MYT1L: variants seen among roughly 807,000 people sequenced by gnomAD.
The protein encoded by MYT1L is myelin transcription factor 1 like, also known as myelin transcription factor 1-like protein.
Under a neutral mutation model 126.7 loss-of-function variants are expected in MYT1L, and 12 were observed. That is an observed-to-expected ratio of 0.09 (90% CI 0.06 to 0.15). The LOEUF (loss-of-function observed/expected upper bound fraction) is 0.15, where lower values mean the gene tolerates loss of function less well. Ranked by LOEUF, MYT1L falls within the 10% of genes least tolerant of loss-of-function variation. The pLI is 1.00. For synonymous variants in MYT1L, 541 were observed against 604.2 expected (o/e 0.90, Z 1.53); for missense variants, 979 against 1,585.2 (o/e 0.62, Z 6.49).
chr2:1,950,433 A>G (rs781267422), intron 8 of MYT1L, among the ~76,000 whole-genome samples: 1 of 152,054 alleles, frequency 6.6e-6, no homozygotes, highest in Non-Finnish European at 1.5e-5. Flanking sequence ...TCCCAACCTC[A>G]TGGGACACCG....
chr2:2,077,320 A>G lies in MYT1L; in HGVS notation c.-303-23197T>C, dbSNP rs76655294. On this transcript the variant is annotated intron_variant, in intron 3 of 24. Transcript: ENST00000647738. The stretch of plus-strand genomic sequence containing the variant: ...TGAAAGCTTTCCAAATTGATGAAAC[A>G]TATTAACCTACACAATTAAAGAGTT... 2.2e-3 allele frequency among the ~76,000 whole-genome samples: 336 copies of G among 152,326 alleles called. 3 individuals carry two copies. Among genetic ancestry groups the G allele is most frequent in the East Asian group, 5.0e-3 (26 of 5,180 alleles).
chr2:2,187,481 C>A (rs2092295896), intron 2 of MYT1L, among the ~76,000 whole-genome samples: 1 of 151,960 alleles, frequency 6.6e-6, no homozygotes, highest in Admixed American at 6.6e-5. Flanking sequence ...TATTACCCAG[C>A]TTAGTTCCAA....
chr2:2,001,460 T>A (rs939205054), intron 4 of MYT1L, among the ~76,000 whole-genome samples: 1 of 152,242 alleles, frequency 6.6e-6, no homozygotes, highest in Non-Finnish European at 1.5e-5. Flanking sequence ...GTGTGGTTAA[T>A]ATCTCACACA....
chr2:2,005,156 T>C (rs1180620506), intron 4 of MYT1L, among the ~76,000 whole-genome samples: 1 of 151,220 alleles, frequency 6.6e-6, no homozygotes, highest in African/African-American at 2.4e-5. Flanking sequence ...GCAGGCATTA[T>C]TTCCTGCATA....
intron 4 of MYT1L, among the ~76,000 whole-genome samples, chr2:2,003,659 G>A (rs761980065): frequency 1.4e-4 from 22 of 152,244 alleles, no homozygotes; most frequent in South Asian, 8.3e-4. Context: ...AGTCTTCAGT[G>A]CCACCCCATC....
At chr2:2,255,495 C>T (rs149024365) in intron 2 of MYT1L, among the ~76,000 whole-genome samples, 1,629 of 152,152 alleles carry the variant, frequency 0.011, 29 homozygotes, top group African/African-American at 0.037. Flanking sequence ...AGGAGCCACA[C>T]GGTGAAATCA....
At chr2:2,067,357 GA>G (rs1371200910) in intron 3 of MYT1L, among the ~76,000 whole-genome samples, 3 of 152,072 alleles carry the variant, frequency 2.0e-5, no homozygotes, top group Non-Finnish European at 2.9e-5. Flanking sequence ...CAAGTAGAAT[GA>G]AAAAAATGAT....
chr2:1,917,426 A>T lies in MYT1L; in HGVS notation c.1484-87T>A. 1 of 1,474,864 alleles carries T rather than the reference A, an allele frequency of 6.8e-7. No individual in the cohort carries two copies. Among genetic ancestry groups the T allele is most frequent in the Non-Finnish European group, 9.2e-7 (1 of 1,089,574 alleles). 91.4% of individuals were successfully genotyped at this position (1,474,864 alleles called of 1,614,324 possible). On this transcript the variant is annotated intron_variant, in intron 10 of 24. Coordinates refer to ENST00000647738, the MANE Select transcript of MYT1L (RefSeq NM_001303052.2). This position sits in a 1 kb window ranked among gnomAD's most constrained non-coding sequence, Gnocchi z 5.9. ...TTTCACAATCTGAAGAAACCTTGCT[A>T]AAGAAAGAAATAAAGCAGGTGTCGG...
At chr2:2,254,252 C>T (rs777703227) in intron 2 of MYT1L, among the ~76,000 whole-genome samples, 2 of 152,116 alleles carry the variant, frequency 1.3e-5, no homozygotes, top group South Asian at 2.1e-4. Context: ...CAATTAATGC[C>T]GTTCATGGGG....
At chr2:1,934,181 A>G (rs184565192) in intron 9 of MYT1L, among the ~76,000 whole-genome samples, 2,561 of 151,232 alleles carry the variant, frequency 0.017, 62 homozygotes, top group African/African-American at 0.059. Context: ...TCATCGTGTT[A>G]GCCAGGATGG....
chr2:1,928,935 G>T (rs566658294), intron 9 of MYT1L, among the ~76,000 whole-genome samples: 2 of 152,278 alleles, frequency 1.3e-5, no homozygotes, highest in South Asian at 2.1e-4. Flanking sequence ...ATGGGTAGGA[G>T]GGTGGGAGAC....
intron 3 of MYT1L, among the ~76,000 whole-genome samples, chr2:2,136,257 G>C (rs73173997): frequency 6.6e-6 from 1 of 152,198 alleles, no homozygotes; most frequent in East Asian, 1.9e-4. Context: ...CTGTCCCTTA[G>C]CAGTCCTTTC....
intron 2 of MYT1L, among the ~76,000 whole-genome samples, chr2:2,259,436 T>C (rs1572910463): frequency 6.6e-6 from 1 of 150,602 alleles, no homozygotes; most frequent in Non-Finnish European, 1.5e-5. Flanking sequence ...CTATGTGAGG[T>C]GATAGATGTA....
intron 4 of MYT1L, among the ~76,000 whole-genome samples, chr2:2,033,321 C>T (rs575454087): frequency 1.4e-5 from 2 of 140,314 alleles, no homozygotes; most frequent in South Asian, 4.9e-4. Flanking sequence ...CTTACACACA[C>T]CCTCGCCAGT....
chr2:1,838,461 C>T (rs2041196143), intron 21 of MYT1L, among the ~76,000 whole-genome samples: 1 of 152,102 alleles, frequency 6.6e-6, no homozygotes, highest in Non-Finnish European at 1.5e-5. Context: ...TAAATCTCCC[C>T]AAAGGGTATG....
intron 1 of MYT1L, among the ~76,000 whole-genome samples, chr2:2,316,542 TC>T (rs1468212423): frequency 1.3e-5 from 2 of 152,192 alleles, no homozygotes; most frequent in Non-Finnish European, 2.9e-5. Context: ...CTGGCCTACG[TC>T]CTGAGAAGTT....
chr2:1,967,669 T>C (rs1051310670), intron 8 of MYT1L, among the ~76,000 whole-genome samples: 1 of 152,160 alleles, frequency 6.6e-6, no homozygotes, highest in Non-Finnish European at 1.5e-5. Context: ...AGCAGGGACT[T>C]CAGGCCTGAC....
chr2:2,209,415 C>T (rs1295153892), intron 2 of MYT1L, among the ~76,000 whole-genome samples: 1 of 152,140 alleles, frequency 6.6e-6, no homozygotes, highest in Non-Finnish European at 1.5e-5. Context: ...CCTTCCCAGC[C>T]TCTGGTAACC....
rs2031858032 is a variant in MYT1L at position 1,790,395 on chromosome 2, A to G, written c.*1472T>C. ...AAGGACTACTCAGAAGGGGGAACAC[A>G]GCGCTCAAAAGTGGTCTTATGCATA... On this transcript the variant is annotated 3_prime_UTR_variant, in exon 25 of 25. Coordinates refer to ENST00000647738, the MANE Select transcript of MYT1L (RefSeq NM_001303052.2). The G allele has an allele frequency of 6.6e-6, 1 of 152,244 alleles. No individual in the cohort carries two copies. The highest frequency in any genetic ancestry group is 1.5e-5 in the Non-Finnish European group (1 of 68,048). The allele number at this position is 152,244 out of a possible 1,614,324, so 9.4% of individuals were successfully genotyped here.
Sources: allele counts gnomAD v4.1 joint callset (sites outside exome capture counted in the v4.1 genomes callset), GRCh38; gene constraint gnomAD v4.1.1; non-coding constraint Gnocchi (gnomAD v3.1); transcripts MANE v1.5; gene names NCBI Gene and HGNC (gene_info 2026-07-23, HGNC 2026-07-21).